The following MCPH1 variants were observed in gnomAD, a reference collection of about 807,000 sequenced individuals.
The protein encoded by MCPH1 is microcephalin.
In MCPH1, 104 loss-of-function variants were observed where a neutral mutation model predicts 84.5. The ratio of observed to expected loss-of-function variants is 1.23; its 90% CI spans 1.05 to 1.45. The LOEUF (loss-of-function observed/expected upper bound fraction) is 1.45. MCPH1 is among the 40% of genes most tolerant of loss of function. MCPH1 has a pLI of 0.00. For synonymous variants in MCPH1, 514 were observed against 366.8 expected (o/e 1.40, Z -4.58); for missense variants, 1,498 against 1,005.7 (o/e 1.49, Z -6.62).
intron 12 of MCPH1, among the ~76,000 whole-genome samples, chr8:6,578,527 C>G (rs1346376538): frequency 6.6e-6 from 1 of 152,182 alleles, no homozygotes; most frequent in Non-Finnish European, 1.5e-5. Flanking sequence ...ATTTTCTAAA[C>G]ATAACCAAAA....
intron 11 of MCPH1, among the ~76,000 whole-genome samples, chr8:6,483,497 G>C (rs1809480322): frequency 6.6e-6 from 1 of 152,196 alleles, no homozygotes; most frequent in South Asian, 2.1e-4. Flanking sequence ...TCCAGAAATA[G>C]ACCCCCAAAA....
chr8:6,519,586 C>A (rs1816915402), intron 12 of MCPH1, among the ~76,000 whole-genome samples: 1 of 152,178 alleles, frequency 6.6e-6, no homozygotes, highest in Non-Finnish European at 1.5e-5. Context: ...TGACAGTATG[C>A]ATTATTCAAG....
At chr8:6,438,398 A>G (rs1802988703) in intron 5 of MCPH1, among the ~76,000 whole-genome samples, 1 of 152,120 alleles carries the variant, frequency 6.6e-6, no homozygotes, top group South Asian at 2.1e-4. Flanking sequence ...AAAGTTCTGA[A>G]GGGCTCTTTG....
chr8:6,510,317 C>T (rs6559166), intron 12 of MCPH1, among the ~76,000 whole-genome samples: 1 of 152,046 alleles, frequency 6.6e-6, no homozygotes, highest in Non-Finnish European at 1.5e-5. Flanking sequence ...AACAGGCACA[C>T]GAAGACCCAG....
intron 8 of MCPH1, among the ~76,000 whole-genome samples, chr8:6,448,875 G>A (rs963392164): frequency 6.6e-6 from 1 of 152,030 alleles, no homozygotes; most frequent in African/African-American, 2.4e-5. Context: ...GAGGTATGTA[G>A]GTACTCATGA....
intron 12 of MCPH1, among the ~76,000 whole-genome samples, chr8:6,592,641 T>TTTTTTTTTTTTG (rs1238168977): frequency 3.1e-4 from 33 of 107,484 alleles, no homozygotes; most frequent in East Asian, 1.3e-3. Flanking sequence ...TTTTTTTTTT[T>TTTTTTTTTTTTG]TTGTTGCTGT....
chr8:6,576,967 G>A (rs1471106595), intron 12 of MCPH1, among the ~76,000 whole-genome samples: 1 of 152,086 alleles, frequency 6.6e-6, no homozygotes, highest in Non-Finnish European at 1.5e-5. Flanking sequence ...GCAGGGCCCT[G>A]CCCATTCTGC....
intron 12 of MCPH1, among the ~76,000 whole-genome samples, chr8:6,515,333 G>A (rs1019538404): frequency 6.6e-6 from 1 of 152,148 alleles, no homozygotes; most frequent in Admixed American, 6.5e-5. Flanking sequence ...ATACTAATCA[G>A]ATTTTTTGGT....
chr8:6,424,211 A>G (rs1563187129), intron 3 of MCPH1, among the ~76,000 whole-genome samples: 1 of 152,224 alleles, frequency 6.6e-6, no homozygotes, highest in Non-Finnish European at 1.5e-5. Context: ...GAAAGAATAC[A>G]TAAAGTTGAA....
At chr8:6,559,536 A>C (rs544734915) in intron 12 of MCPH1, among the ~76,000 whole-genome samples, 1 of 147,874 alleles carries the variant, frequency 6.8e-6, no homozygotes. Context: ...GGCAGAGGAA[A>C]TGTTTGCCTC....
chr8:6,421,528 G>C (rs1037098182), intron 3 of MCPH1, among the ~76,000 whole-genome samples: 2 of 150,974 alleles, frequency 1.3e-5, no homozygotes, highest in Non-Finnish European at 3.0e-5. Context: ...TGGCCCATGA[G>C]GTAAGAATGG....
chr8:6,621,271 G>A (rs1043182812), intron 12 of MCPH1, 183 bp from the exon 13 acceptor site: 7 of 761,308 alleles, frequency 9.2e-6, no homozygotes, highest in Middle Eastern at 7.3e-4. Flanking sequence ...GAAAACGTCA[G>A]TTTTATGTCA....
At chr8:6,526,620 G>C (rs1818402249) in intron 12 of MCPH1, among the ~76,000 whole-genome samples, 1 of 152,000 alleles carries the variant, frequency 6.6e-6, no homozygotes, top group Non-Finnish European at 1.5e-5. Context: ...GGTATCCAAA[G>C]GACAGAAAGA....
intron 1 of MCPH1, among the ~76,000 whole-genome samples, chr8:6,408,281 C>A (rs900886561): frequency 6.6e-6 from 1 of 150,928 alleles, no homozygotes; most frequent in African/African-American, 2.4e-5. Context: ...CAGGCTGGAG[C>A]GCAGTGATGT....
At chr8:6,542,007 C>CA (rs764731302) in intron 12 of MCPH1, among the ~76,000 whole-genome samples, 1,032 of 57,036 alleles carry the variant, frequency 0.018, 12 homozygotes, top group African/African-American at 0.045. Flanking sequence ...GACTCAATCT[C>CA]AAAAAAAAAA....
chr8:6,506,161 G>A (rs1057160576), intron 12 of MCPH1, among the ~76,000 whole-genome samples: 2 of 151,692 alleles, frequency 1.3e-5, no homozygotes, highest in African/African-American at 4.8e-5. Flanking sequence ...AGATTGGACG[G>A]AAGTTTGCGT....
At chr8:6,578,952 T>G (rs1248338956) in intron 12 of MCPH1, among the ~76,000 whole-genome samples, 4 of 152,178 alleles carry the variant, frequency 2.6e-5, no homozygotes, top group African/African-American at 7.2e-5. Context: ...ATAAATGGCC[T>G]GGAAATCCTA....
intron 12 of MCPH1, among the ~76,000 whole-genome samples, chr8:6,560,621 G>T (rs1356796375): frequency 6.6e-6 from 1 of 152,148 alleles, no homozygotes; most frequent in African/African-American, 2.4e-5. Flanking sequence ...TCATTCTTGG[G>T]GAAACGGTAT....
rs117340367 is a variant in MCPH1, at chr8:6,533,110, T to A, written c.2214+33181T>A. On this transcript the variant is annotated intron_variant, in intron 12 of 13. Coordinates refer to ENST00000344683, the MANE Select transcript of MCPH1 (RefSeq NM_024596.5). ...AATTTTTCCTAACATGTATGCATTTTTCACAATTTTGTCATTTCATGTATC... is the reference window on the plus strand; with the variant it reads ...AATTTTTCCTAACATGTATGCATTTATCACAATTTTGTCATTTCATGTATC... Among the ~76,000 whole-genome samples the A allele has an allele frequency of 8.3e-4, 127 of 152,364 alleles. 1 individual carries two copies. The East Asian group carries it at 0.019, about 22-fold the overall frequency.
Sources: allele counts gnomAD v4.1 joint callset (sites outside exome capture counted in the v4.1 genomes callset), GRCh38; gene constraint gnomAD v4.1.1; transcripts MANE v1.5; gene names NCBI Gene and HGNC (gene_info 2026-07-23, HGNC 2026-07-21).